KIF6: variants seen among roughly 807,000 people sequenced by gnomAD.
KIF6 encodes kinesin family member 6.
Under a neutral mutation model 112.7 loss-of-function variants are expected in KIF6, and 106 were observed. The ratio of observed to expected loss-of-function variants is 0.94; its 90% CI spans 0.80 to 1.11. The LOEUF is 1.11. Ranked by LOEUF, KIF6 falls within the 50% of genes least tolerant of loss-of-function variation. KIF6 has a pLI of 0.00. For synonymous variants in KIF6, 339 were observed against 339.9 expected (o/e 1.00, Z 0.03); for missense variants, 929 against 964.0 (o/e 0.96, Z 0.48).
intron 13 of KIF6, among the ~76,000 whole-genome samples, chr6:39,526,399 G>C (rs1777730845): frequency 6.6e-6 from 1 of 152,002 alleles, no homozygotes; most frequent in South Asian, 2.1e-4. Flanking sequence ...CCCTTTTCTT[G>C]TGCGTTTATT....
chr6:39,374,157 A>G (rs1766247870), intron 16 of KIF6, among the ~76,000 whole-genome samples: 1 of 152,214 alleles, frequency 6.6e-6, no homozygotes, highest in Non-Finnish European at 1.5e-5. Context: ...AGGTGTTGGG[A>G]AAACTGGATA....
intron 13 of KIF6, among the ~76,000 whole-genome samples, chr6:39,484,007 G>A (rs1413644540): frequency 6.6e-6 from 1 of 152,144 alleles, no homozygotes; most frequent in Non-Finnish European, 1.5e-5. Context: ...ATGTAAACAG[G>A]TGACTTCAGT....
intron 3 of KIF6, among the ~76,000 whole-genome samples, chr6:39,653,762 G>A (rs942224707): frequency 2.0e-5 from 3 of 152,146 alleles, no homozygotes; most frequent in Non-Finnish European, 4.4e-5. Context: ...CTGTTAAAGA[G>A]GAACAACAGA....
At chr6:39,628,017 T>C (rs574363471) in intron 5 of KIF6, among the ~76,000 whole-genome samples, 3 of 152,302 alleles carry the variant, frequency 2.0e-5, no homozygotes, top group Non-Finnish European at 2.9e-5. Flanking sequence ...TGTATGTCTA[T>C]ATACAAATAT....
intron 13 of KIF6, among the ~76,000 whole-genome samples, chr6:39,508,202 G>A (rs1002945274): frequency 6.6e-6 from 1 of 151,832 alleles, no homozygotes; most frequent in Non-Finnish European, 1.5e-5. Context: ...ATTCTAACAG[G>A]GGAGTTCTAC....
Position 39,531,689 on chromosome 6 carries a change from A to C in KIF6, c.1645+8314T>G, listed in dbSNP as rs1457741653. Among the ~76,000 whole-genome samples the C allele has an allele frequency of 1.3e-5, 2 of 152,134 alleles. 1 individual carries two copies. The highest frequency in any genetic ancestry group is 1.3e-4 in the Admixed American group (2 of 15,272). ...GGTTCTTGTCTCCATGAAAAGCCTC[A>C]CCAGCCACCCAGACACCAGGGGGCC... On this transcript the variant is annotated intron_variant, in intron 13 of 22. Transcript: ENST00000287152.
chr6:39,658,087 C>G (rs576698258), intron 3 of KIF6, among the ~76,000 whole-genome samples: 5 of 152,140 alleles, frequency 3.3e-5, no homozygotes, highest in Non-Finnish European at 7.4e-5. Flanking sequence ...AGTTATGGCT[C>G]TCATAATAAC....
At chr6:39,563,581 C>T (rs1780125280) in intron 10 of KIF6, among the ~76,000 whole-genome samples, 1 of 151,988 alleles carries the variant, frequency 6.6e-6, no homozygotes, top group South Asian at 2.1e-4. Flanking sequence ...GTACCATAAC[C>T]CAATTCTCTA....
chr6:39,531,295 C>T (rs1278974952), intron 13 of KIF6, among the ~76,000 whole-genome samples: 1 of 152,020 alleles, frequency 6.6e-6, no homozygotes, highest in African/African-American at 2.4e-5. Flanking sequence ...TAGTCTGTCT[C>T]AATAGCAATA....
chr6:39,582,707 G>A (rs1039002190), intron 9 of KIF6, among the ~76,000 whole-genome samples: 1 of 152,042 alleles, frequency 6.6e-6, no homozygotes, highest in African/African-American at 2.4e-5. Flanking sequence ...GAGCCACCGT[G>A]CCTGGCCTGA....
Position 39,343,719 on chromosome 6 carries a change from C to T in KIF6, c.2418G>A (p.Leu806=), listed in dbSNP as rs1258802234. 2 of 1,607,752 alleles carry T rather than the reference C, an allele frequency of 1.2e-6. No homozygotes were observed. Among genetic ancestry groups the T allele is most frequent in the South Asian group, 1.1e-5 (1 of 89,728 alleles). ...IAFIKARQSI[L]QKQCLGSN Reference sequence around the variant, plus strand: ...GGGAGGTGCACTTACATTGCTTCTGCAGAATGCTCTGTCTGGCCTTGATGA... The same window carrying T: ...GGGAGGTGCACTTACATTGCTTCTGTAGAATGCTCTGTCTGGCCTTGATGA... The change falls in exon 22 of 23, where the codon CTG becomes CTA. Residue 806 remains leucine, a synonymous_variant. Coordinates refer to ENST00000287152, the MANE Select transcript of KIF6 (RefSeq NM_145027.6). This position sits in a 1 kb window ranked among gnomAD's most constrained non-coding sequence, Gnocchi z 4.1.
At chr6:39,677,669 C>T (rs1190330381) in intron 3 of KIF6, among the ~76,000 whole-genome samples, 5 of 128,274 alleles carry the variant, frequency 3.9e-5, no homozygotes, top group African/African-American at 1.2e-4. Context: ...TCTCCCAATG[C>T]TATCCCTCCC....
At chr6:39,430,100 G>T (rs1398068914) in intron 14 of KIF6, among the ~76,000 whole-genome samples, 2 of 151,948 alleles carry the variant, frequency 1.3e-5, no homozygotes, top group African/African-American at 4.8e-5. Context: ...TCTTGGAGCC[G>T]GCTCTCCTCT....
chr6:39,383,497 T>C (rs1767147653), intron 16 of KIF6, among the ~76,000 whole-genome samples: 1 of 152,150 alleles, frequency 6.6e-6, no homozygotes, highest in South Asian at 2.1e-4. Context: ...TCAGGAGTCT[T>C]TGTCTTGTTC....
intron 5 of KIF6, among the ~76,000 whole-genome samples, chr6:39,634,344 A>C (rs1784511525): frequency 6.6e-6 from 1 of 152,206 alleles, no homozygotes; most frequent in Non-Finnish European, 1.5e-5. Flanking sequence ...AATTTCAGTC[A>C]TGAAACAATC....
intron 13 of KIF6, among the ~76,000 whole-genome samples, chr6:39,495,401 A>G (rs1775726724): frequency 6.6e-6 from 1 of 152,204 alleles, no homozygotes; most frequent in Non-Finnish European, 1.5e-5. Context: ...GAACTTCCTC[A>G]GCAGCATCCT....
intron 13 of KIF6, among the ~76,000 whole-genome samples, chr6:39,447,884 G>A (rs1772430912): frequency 6.6e-6 from 1 of 152,166 alleles, no homozygotes. Flanking sequence ...GCCAAAACCA[G>A]TGGTCAGTTT....
At position 39,346,132 on chromosome 6, in the gene KIF6, C is replaced by CCTCTCTCT. The variant is rs779814201; in HGVS notation, c.2231+336_2231+343dup. 1.7e-3 allele frequency among the ~76,000 whole-genome samples: 46 copies of CCTCTCTCT among 26,914 alleles called. 1 individual carries two copies. Among genetic ancestry groups the CCTCTCTCT allele is most frequent in the African/African-American group, 6.1e-3 (41 of 6,738 alleles). 17.7% of individuals were successfully genotyped at this position (26,914 alleles called of 152,430 possible). On this transcript the variant is annotated intron_variant, in intron 20 of 22. Transcript: ENST00000287152. ...CTCCCTCTCCCTCTCCCTCCCTCTC[C>CCTCTCTCT]CTCTCTCTCTCTCTCTCTCTCTCTC...
intron 3 of KIF6, among the ~76,000 whole-genome samples, chr6:39,670,783 T>G (rs1011756990): frequency 6.6e-6 from 1 of 152,160 alleles, no homozygotes; most frequent in Admixed American, 6.5e-5. Context: ...AGTATATCAA[T>G]ATGCAAATCT....
Sources: gnomAD v4.1 joint callset for allele counts (sites outside exome capture counted in the v4.1 genomes callset) on GRCh38, gnomAD v4.1.1 for gene constraint, Gnocchi (gnomAD v3.1) non-coding constraint, MANE v1.5 for transcripts, NCBI Gene and HGNC (gene_info 2026-07-23, HGNC 2026-07-21) for gene names.